SRCAP: variants seen among roughly 807,000 people sequenced by gnomAD.
The protein encoded by SRCAP is Snf2 related CREBBP activator protein, also known as chromatin remodeling protein SRCAP.
SRCAP carries 46 observed loss-of-function variants against 263.1 expected under a neutral mutation model. The observed-to-expected ratio is 0.17, with a 90% CI of 0.14 to 0.22. SRCAP has a LOEUF of 0.22. Among genes scored for constraint, SRCAP ranks in the 10% least tolerant of loss-of-function variants. The probability of loss-of-function intolerance (pLI) is 1.00; values close to 1 mark genes in which losing one functional copy is unlikely to be tolerated. For synonymous variants in SRCAP, 1,813 were observed against 1,662.1 expected (o/e 1.09, Z -2.21); for missense variants, 3,695 against 4,181.9 (o/e 0.88, Z 3.21).
intron 10 of SRCAP, 39 bp downstream of exon 10, chr16:30,711,127 T>TACTGCACACCGCAGACACCAA: frequency 6.6e-7 from 1 of 1,510,648 alleles, no homozygotes; most frequent in Non-Finnish European, 9.1e-7. Context: ...ATCCACTTGG[T>TACTGCACACCGCAGACACCAA]GTCTGCGGTG....
At chr16:30,699,559 C>G (rs2151281899) in intron 1 of SRCAP, among the ~76,000 whole-genome samples, 1 of 152,282 alleles carries the variant, frequency 6.6e-6, no homozygotes, top group South Asian at 2.1e-4. Flanking sequence ...GTTCCACTCT[C>G]ACTTCTGCGT....
Position 30,724,444 on chromosome 16 carries a change from A to C in SRCAP, c.5020A>C (p.Ser1674Arg), listed in dbSNP as rs770273248. The change falls in exon 25 of 34, where the codon AGC becomes CGC. Residue 1674 changes from serine (S) to arginine (R), a missense_variant. By Grantham distance (110) the Ser-to-Arg change is moderately radical (BLOSUM62 -1). Coordinates refer to ENST00000262518, the MANE Select transcript of SRCAP (RefSeq NM_006662.3). ...LPAPVPSPLP[S>R]PASTQTLALA... ...AGCCCCGGTTCCGTCACCTCTCCCG[A>C]GCCCGGCTTCTACGCAGACACTGGC... 4 of 1,614,116 alleles carry C rather than the reference A, an allele frequency of 2.5e-6. No individual in the cohort carries two copies. In the East Asian group the frequency reaches 8.9e-5, roughly 36 times the overall value.
chr16:30,728,220 G>A (rs2053081223), intron 25 of SRCAP, among the ~76,000 whole-genome samples: 2 of 152,192 alleles, frequency 1.3e-5, no homozygotes, highest in African/African-American at 4.8e-5. Context: ...TGTATTGAGA[G>A]CTTAATTGTG....
At chr16:30,699,287 C>G (rs917020566) in intron 1 of SRCAP, 45 bp downstream of exon 1, 1 of 398,464 alleles carries the variant, frequency 2.5e-6, no homozygotes, top group Non-Finnish European at 4.4e-6. Flanking sequence ...GGGAGTGAAT[C>G]AAAGCCGGCA....
At chr16:30,731,496 A>G (rs1338501754) in intron 27 of SRCAP, among the ~76,000 whole-genome samples, 1 of 152,212 alleles carries the variant, frequency 6.6e-6, no homozygotes, top group African/African-American at 2.4e-5. Context: ...TATGTGTTCA[A>G]TAAATGTTTT....
At chr16:30,725,209 T>TTGTGTG in intron 25 of SRCAP, 127 bp downstream of exon 25, 5 of 1,455,064 alleles carry the variant, frequency 3.4e-6, no homozygotes, top group Non-Finnish European at 4.5e-6. Context: ...GACCAAGTAC[T>TTGTGTG]TGAGTGACAT....
At chr16:30,721,663 G>A (rs1048784536) in intron 21 of SRCAP, among the ~76,000 whole-genome samples, 187 bp downstream of exon 21, 2 of 152,182 alleles carry the variant, frequency 1.3e-5, no homozygotes, top group African/African-American at 4.8e-5. Flanking sequence ...CCATGGTTAC[G>A]CCACTGCAAT....
Position 30,723,605 on chromosome 16 carries a change from C to G in SRCAP, c.4181C>G (p.Pro1394Arg). ...EVSASAPGAA[P>R]LTISSPLHVP... is the part of the protein sequence containing the mutation. ...ACAGCTTCAGCCCCCGGAGCTGCCC[C>G]CTTGACCATCTCTTCTCCTCTCCAC... Residue 1394 changes from proline (P) to arginine (R), a missense_variant, in exon 25 of 34, where the codon CCC becomes CGC. Transcript: ENST00000262518. 2 of 1,613,534 alleles carry G rather than the reference C, an allele frequency of 1.2e-6. No individual in the cohort carries two copies. The highest frequency in any genetic ancestry group is 2.2e-5 in the East Asian group (1 of 44,872).
chr16:30,716,236 G>A (rs748357680), intron 17 of SRCAP, 34 bp downstream of exon 17: 22 of 1,613,310 alleles, frequency 1.4e-5, no homozygotes, highest in Middle Eastern at 1.6e-4. Flanking sequence ...CCTGGGACTC[G>A]AGATTGGAGT....
chr16:30,708,665 A>G (rs2052853806), intron 6 of SRCAP, among the ~76,000 whole-genome samples: 1 of 152,072 alleles, frequency 6.6e-6, no homozygotes, highest in South Asian at 2.1e-4. Context: ...AAGTGCTGGG[A>G]TTATAGACGT....
At position 30,739,862 on chromosome 16, in the gene SRCAP, C is replaced by T. The variant is rs908702653; in HGVS notation, c.*129C>T. On this transcript the variant is annotated 3_prime_UTR_variant, in exon 34 of 34. Transcript: ENST00000262518. ...GGGAGACATAGGGGCCTTCTCCCTT[C>T]TTCCCACCAAAGTAGGGGGTAGGCA... 5.9e-6 allele frequency: 8 copies of T among 1,363,814 alleles called. No individual in the cohort carries two copies. The highest frequency in any genetic ancestry group is 2.7e-4 in the Middle Eastern group (1 of 3,706). 84.5% of individuals were successfully genotyped at this position (1,363,814 alleles called of 1,614,324 possible). A position where few individuals can be genotyped will look rare whatever the true frequency, so the allele number is the denominator to read the frequency against.
intron 18 of SRCAP, among the ~76,000 whole-genome samples, chr16:30,717,183 C>T (rs2052959121): frequency 6.6e-6 from 1 of 152,044 alleles, no homozygotes. Context: ...TTTTGGTTTG[C>T]ATTTCCTTAT....
rs2053212943 is a variant in SRCAP at position 30,740,396 on chromosome 16, C to T, written c.*663C>T. The T allele has an allele frequency of 6.6e-6, 1 of 152,394 alleles. No homozygotes were observed. Among genetic ancestry groups the T allele is most frequent in the Middle Eastern group, 3.4e-3 (1 of 294 alleles). The allele number at this position is 152,394 out of a possible 1,614,324, so 9.4% of individuals were successfully genotyped here. A position where few individuals can be genotyped will look rare whatever the true frequency, so the allele number is the denominator to read the frequency against. ...CTCGGTTCCTAGACGTTCCTCGGAG[C>T]TCTTTGATGCCTCAGACCTTTCCCT... On this transcript the variant is annotated 3_prime_UTR_variant, in exon 34 of 34. Transcript: ENST00000262518.
At chr16:30,705,965 A>G (rs1020255897) in intron 4 of SRCAP, among the ~76,000 whole-genome samples, 2 of 152,070 alleles carry the variant, frequency 1.3e-5, no homozygotes, top group Non-Finnish European at 2.9e-5. Flanking sequence ...TGGCCTCCCA[A>G]AGTGCTGGGA....
intron 31 of SRCAP, among the ~76,000 whole-genome samples, chr16:30,734,861 A>G (rs975055983): frequency 6.6e-6 from 1 of 152,182 alleles, no homozygotes; most frequent in African/African-American, 2.4e-5. Flanking sequence ...TTGTGTTAAG[A>G]CAAGTTACAA....
Position 30,739,472 on chromosome 16 carries a change from A to C in SRCAP, c.9432A>C (p.Pro3144=). The C allele has an allele frequency of 6.2e-7, 1 of 1,614,046 alleles. No homozygotes were observed. The highest frequency in any genetic ancestry group is 1.1e-5 in the South Asian group (1 of 91,088). The change falls in exon 34 of 34, where the codon CCA becomes CCC. Residue 3144 remains proline (P), a synonymous_variant. Coordinates refer to ENST00000262518, the MANE Select transcript of SRCAP (RefSeq NM_006662.3). ...EKLPRKRAGA[P]VGGSPGLAKR... The stretch of plus-strand genomic sequence containing the variant: ...TGCCTCGCAAACGAGCAGGGGCCCC[A>C]GTTGGTGGGAGTCCTGGGCTGGCAA...
At position 30,716,324 on chromosome 16, in the gene SRCAP, A is replaced by C; in HGVS notation, c.2662A>C (p.Met888Leu). ...TKETLATGHF[M>L]SVINILMQLR... The stretch of plus-strand genomic sequence containing the variant: ...GGAGACACTAGCCACAGGCCATTTC[A>C]TGAGCGTCATCAACATTTTGATGCA... Residue 888 changes from methionine (M) to leucine (L), a missense_variant, in exon 18 of 34, where the codon ATG (methionine) becomes CTG (leucine). Around this residue, in one of 12 missense-constraint regions of SRCAP, gnomAD observed 147 missense variants for 212.7 expected, o/e 0.69. Transcript: ENST00000262518. 1.9e-6 allele frequency: 3 copies of C among 1,614,138 alleles called. No individual in the cohort carries two copies. The highest frequency in any genetic ancestry group is 2.2e-5 in the South Asian group (2 of 91,080).
Position 30,733,735 on chromosome 16 carries a change from T to C in SRCAP, c.6431T>C (p.Met2144Thr), listed in dbSNP as rs2053133823. 6.2e-7 allele frequency: 1 copy of C among 1,614,082 alleles called. No homozygotes were observed. The highest frequency in any genetic ancestry group is 8.5e-7 in the Non-Finnish European group (1 of 1,180,040). ...VFYDSDWNPT[M>T]DAQAQDRCHR... ...TATGACAGCGACTGGAATCCCACCA[T>C]GGATGCTCAGGCCCAGGACCGCTGT... The change falls in exon 29 of 34, where the codon ATG becomes ACG. Residue 2144 changes from methionine to threonine, a missense_variant. By Grantham distance (81) the Met-to-Thr change is moderately conservative. Transcript: ENST00000262518. The surrounding 1 kb of genome is among the most constrained non-coding windows in gnomAD (Gnocchi z 5.3).
chr16:30,722,732 G>T lies in SRCAP; in HGVS notation c.3876G>T (p.Pro1292=). The change falls in exon 23 of 34, where the codon CCG becomes CCT. Residue 1292 remains proline, a synonymous_variant. Transcript: ENST00000262518. ...CTGCCCCTACTGGCCTCAGCCTTCCGCTTGCTGCTAACCAGGGTGAGGCTC... is the reference window on the plus strand; with the variant it reads ...CTGCCCCTACTGGCCTCAGCCTTCCTCTTGCTGCTAACCAGGGTGAGGCTC... ...TTPAPTGLSL[P]LAANQVPPTM... is the part of the protein sequence containing the mutation. 6.2e-7 allele frequency: 1 copy of T among 1,611,520 alleles called. No individual in the cohort carries two copies. Among genetic ancestry groups the T allele is most frequent in the Non-Finnish European group, 8.5e-7 (1 of 1,178,422 alleles).
Sources: gnomAD v4.1 joint callset for allele counts (sites outside exome capture counted in the v4.1 genomes callset) on GRCh38, gnomAD v4.1.1 for gene constraint, gnomAD v4.1.1 regional missense constraint, Gnocchi (gnomAD v3.1) non-coding constraint, MANE v1.5 for transcripts, NCBI Gene and HGNC (gene_info 2026-07-23, HGNC 2026-07-21) for gene names.